The following SRGAP2C variants were observed in gnomAD, a reference collection of about 807,000 sequenced individuals.
The protein encoded by SRGAP2C is SLIT-ROBO Rho GTPase activating protein 2C.
A neutral mutation model predicts 25.1 loss-of-function variants in SRGAP2C; 15 were observed. The ratio of observed to expected loss-of-function variants is 0.60; its 90% CI spans 0.40 to 0.92. The LOEUF (loss-of-function observed/expected upper bound fraction) is 0.92, where lower values mean the gene tolerates loss of function less well. SRGAP2C is among the 40% of genes least tolerant of loss of function. The pLI is 0.00. For synonymous variants in SRGAP2C, 44 were observed against 96.6 expected (o/e 0.46, Z 3.19); for missense variants, 144 against 264.4 (o/e 0.54, Z 3.16).
rs1161458989 is a variant in SRGAP2C at position 121,380,739 on chromosome 1, GA to G, written c.832-1954del. 4.8e-4 allele frequency among the ~76,000 whole-genome samples: 71 copies of G among 148,214 alleles called. No individual in the cohort carries two copies. In the East Asian group the frequency reaches 0.012, roughly 25 times the overall value. On this transcript the variant is annotated intron_variant, in intron 7 of 9. Transcript: ENST00000367123. ...TGAGGAAGGTGGATTTTACCTTGGGGAAAAAAAATGAGAGGTATTTTAGGTT... is the reference window on the plus strand; with the variant it reads ...TGAGGAAGGTGGATTTTACCTTGGGGAAAAAAATGAGAGGTATTTTAGGTT...
intron 5 of SRGAP2C, among the ~76,000 whole-genome samples, chr1:121,371,210 CATAG>C (rs1190321893): frequency 2.9e-5 from 4 of 138,262 alleles, no homozygotes; most frequent in African/African-American, 8.0e-5. Flanking sequence ...ATGTCTAAGA[CATAG>C]ATATATAGAT....
At chr1:121,295,594 G>A (rs1657579074) in intron 3 of SRGAP2C, among the ~76,000 whole-genome samples, 1 of 152,092 alleles carries the variant, frequency 6.6e-6, no homozygotes, top group Non-Finnish European at 1.5e-5. Flanking sequence ...AGAATCTACA[G>A]GAATTGCTGA....
At chr1:121,285,629 C>T (rs1165862725) in intron 3 of SRGAP2C, among the ~76,000 whole-genome samples, 1 of 143,048 alleles carries the variant, frequency 7.0e-6, no homozygotes, top group Non-Finnish European at 1.5e-5. Flanking sequence ...TCACTTGGTT[C>T]CCAGTGCCAT....
intron 2 of SRGAP2C, among the ~76,000 whole-genome samples, chr1:121,209,680 T>A (rs1187640187): frequency 9.1e-6 from 1 of 109,732 alleles, no homozygotes; most frequent in Non-Finnish European, 1.8e-5. Context: ...GTGAAGTTTA[T>A]GTAGATGAAG....
intron 3 of SRGAP2C, among the ~76,000 whole-genome samples, chr1:121,285,917 C>T (rs1408496073): frequency 3.9e-5 from 6 of 152,124 alleles, no homozygotes; most frequent in African/African-American, 1.4e-4. Context: ...CTTTTGTTCT[C>T]CCTGGGCCAC....
At chr1:121,292,146 A>G (rs1386849377) in intron 3 of SRGAP2C, among the ~76,000 whole-genome samples, 5,767 of 152,022 alleles carry the variant, frequency 0.038, 372 homozygotes, top group African/African-American at 0.13. Context: ...CATTAAACTC[A>G]TGGCCTGCCT....
intron 2 of SRGAP2C, among the ~76,000 whole-genome samples, chr1:121,248,622 A>AT (rs1656278726): frequency 6.7e-6 from 1 of 148,682 alleles, no homozygotes; most frequent in African/African-American, 2.5e-5. Flanking sequence ...AATTTTTTGT[A>AT]TTTTTAGTAG....
chr1:121,345,735 C>G (rs1230060638), intron 4 of SRGAP2C, among the ~76,000 whole-genome samples: 1 of 146,116 alleles, frequency 6.8e-6, no homozygotes, highest in Non-Finnish European at 1.5e-5. Context: ...CACTGTAACC[C>G]CCGCCTCCCA....
intron 2 of SRGAP2C, among the ~76,000 whole-genome samples, chr1:121,277,448 T>C (rs1175530308): frequency 6.6e-5 from 10 of 151,316 alleles, no homozygotes; most frequent in African/African-American, 2.4e-4. Context: ...GGTCTTGCTA[T>C]GTTGACCAGG....
intron 2 of SRGAP2C, among the ~76,000 whole-genome samples, chr1:121,279,801 C>T (rs1657201180): frequency 7.1e-6 from 1 of 141,244 alleles, no homozygotes; most frequent in Non-Finnish European, 1.5e-5. Flanking sequence ...CAGTGGAGTT[C>T]AATGTCATGG....
At position 121,255,383 on chromosome 1, in the gene SRGAP2C, C is replaced by T. The variant is rs587714587; in HGVS notation, c.68-29420C>T. On this transcript the variant is annotated intron_variant, in intron 2 of 9. Transcript: ENST00000367123. ...GGGATATTGGTCTTGGGAGTGTAGA[C>T]GTTGTGGGACCAGGAGCTTTGCAGA... is the stretch of plus-strand genomic sequence containing the variant. Among the ~76,000 whole-genome samples, 107 of 151,492 alleles carry T rather than the reference C, an allele frequency of 7.1e-4. 1 individual carries two copies. Among genetic ancestry groups the T allele is most frequent in the Admixed American group, 2.2e-3 (34 of 15,186 alleles).
At chr1:121,259,769 G>A (rs371869286) in intron 2 of SRGAP2C, among the ~76,000 whole-genome samples, 6 of 149,692 alleles carry the variant, frequency 4.0e-5, no homozygotes, top group African/African-American at 1.5e-4. Context: ...AATAAGTACA[G>A]TAAGGAGCAT....
chr1:121,329,807 A>T (rs1238365635), intron 4 of SRGAP2C, among the ~76,000 whole-genome samples: 1 of 152,202 alleles, frequency 6.6e-6, no homozygotes, highest in Non-Finnish European at 1.5e-5. Flanking sequence ...TAACATCTGA[A>T]GAAAGTAGCC....
Position 121,258,219 on chromosome 1 carries a change from G to A in SRGAP2C, c.68-26584G>A, listed in dbSNP as rs587645742. ...TAGGCTGGGAACTCTGCTTGCAGATGAGAAATAAACCTACCTCTCTCCAGG... is the reference window on the plus strand; with the variant it reads ...TAGGCTGGGAACTCTGCTTGCAGATAAGAAATAAACCTACCTCTCTCCAGG... On this transcript the variant is annotated intron_variant, in intron 2 of 9. Coordinates refer to ENST00000367123, the MANE Select transcript of SRGAP2C (RefSeq NM_001329984.2). 2.6e-5 allele frequency among the ~76,000 whole-genome samples: 4 copies of A among 151,336 alleles called. No individual in the cohort carries two copies. In the South Asian group the frequency reaches 8.3e-4, roughly 31 times the overall value.
chr1:121,303,415 T>G (rs1657743369), intron 3 of SRGAP2C, among the ~76,000 whole-genome samples: 1 of 151,866 alleles, frequency 6.6e-6, no homozygotes. Context: ...CTTCTGTGTC[T>G]TATTGATATG....
intron 3 of SRGAP2C, among the ~76,000 whole-genome samples, chr1:121,303,956 G>C (rs1657759245): frequency 6.9e-6 from 1 of 145,942 alleles, no homozygotes; most frequent in Non-Finnish European, 1.5e-5. Flanking sequence ...TGTAATCCCA[G>C]TACTTTGGGA....
intron 5 of SRGAP2C, among the ~76,000 whole-genome samples, chr1:121,369,527 A>G (rs1440306172): frequency 1.3e-5 from 2 of 152,104 alleles, no homozygotes; most frequent in African/African-American, 4.8e-5. Flanking sequence ...CTTGGCTTGG[A>G]GCAGCGGCTG....
intron 2 of SRGAP2C, among the ~76,000 whole-genome samples, chr1:121,199,024 A>AATG (rs1465458956): frequency 3.3e-5 from 5 of 152,134 alleles, no homozygotes. Context: ...CCCTTATAAT[A>AATG]ATGATGATGA....
rs1553342492 is a variant in SRGAP2C, at chr1:121,336,246, A to T, written c.423+11606A>T. Among the ~76,000 whole-genome samples, 399 of 151,014 alleles carry T rather than the reference A, an allele frequency of 2.6e-3. 6 individuals are homozygous for T. Among genetic ancestry groups the T allele is most frequent in the African/African-American group, 9.2e-3 (379 of 41,098 alleles). On this transcript the variant is annotated intron_variant, in intron 4 of 9. Coordinates refer to ENST00000367123, the MANE Select transcript of SRGAP2C (RefSeq NM_001329984.2). ...TTTAGTTTTATCTGTTCAACTGTTG[A>T]TGGCATTTGGATAGTTTTCAGTTTG...
Sources: allele counts gnomAD v4.1 joint callset (sites outside exome capture counted in the v4.1 genomes callset), GRCh38; gene constraint gnomAD v4.1.1; transcripts MANE v1.5; gene names NCBI Gene and HGNC (gene_info 2026-07-23, HGNC 2026-07-21).